The following LMNB1 variants were observed in gnomAD, a reference collection of about 807,000 sequenced individuals.
The protein encoded by LMNB1 is lamin B1, also known as lamin-B1.
A neutral mutation model predicts 67.1 loss-of-function variants in LMNB1; 23 were observed. That is an observed-to-expected ratio of 0.34 (90% CI 0.25 to 0.49). The LOEUF is 0.49. Ranked by LOEUF, LMNB1 falls within the 20% of genes least tolerant of loss-of-function variation. The pLI is 0.99. For missense variants in LMNB1, 634 were observed against 746.5 expected, an observed-to-expected ratio of 0.85 and a Z score of 1.76; for synonymous variants, 281 against 282.9, an observed-to-expected ratio of 0.99 and a Z score of 0.07.
Position 126,811,917 on chromosome 5 carries a change from G to A in LMNB1, c.939+19G>A. The A allele has an allele frequency of 6.2e-7, 1 of 1,601,116 alleles. No homozygotes were observed. The highest frequency in any genetic ancestry group is 1.7e-5 in the Admixed American group (1 of 59,768). On this transcript the variant is annotated intron_variant, in intron 5 of 10. Coordinates refer to ENST00000261366, the MANE Select transcript of LMNB1 (RefSeq NM_005573.4). ...GAAAGAGGTAAATAATCATCTTTCT[G>A]TAAGAAGTTAGACTTGAAGGCTACC...
chr5:126,804,720 A>G (rs2126710037), intron 1 of LMNB1, 56 bp from the exon 2 acceptor site: 2 of 1,497,284 alleles, frequency 1.3e-6, no homozygotes, highest in Non-Finnish European at 1.8e-6. Flanking sequence ...AGAGAGGGAG[A>G]AGACCTCAAG....
Position 126,821,127 on chromosome 5 carries a change from T to C in LMNB1, c.1378T>C (p.Ser460Pro), listed in dbSNP as rs758997994. The C allele has an allele frequency of 6.2e-7, 1 of 1,607,808 alleles. No individual in the cohort carries two copies. The highest frequency in any genetic ancestry group is 1.3e-5 in the African/African-American group (1 of 74,900). Residue 460 changes from serine (S) to proline (P), a missense_variant, in exon 7 of 11, where the codon TCT (serine) becomes CCT (proline). Transcript: ENST00000261366. ...GAAATTTATCCGCTTGAAGAACACT[T>C]CTGAACAGGTAATAAAATAGACCCT... ...DGKFIRLKNT[S>P]EQDQPMGGWE...
chr5:126,807,068 T>C (rs576443195), intron 3 of LMNB1, among the ~76,000 whole-genome samples: 10 of 152,316 alleles, frequency 6.6e-5, no homozygotes, highest in South Asian at 2.1e-4. Context: ...TGAGCCACCG[T>C]GCCCGGCTCA....
At position 126,777,698 on chromosome 5, in the gene LMNB1, G is replaced by A. The variant is rs562221299; in HGVS notation, c.190G>A (p.Val64Met). 4 of 1,545,740 alleles carry A rather than the reference G, an allele frequency of 2.6e-6. No homozygotes were observed. The highest frequency in any genetic ancestry group is 2.5e-5 in the East Asian group (1 of 40,368). Residue 64 changes from valine to methionine, a missense_variant, in exon 1 of 11, where the codon GTG (valine) becomes ATG (methionine). Val to Met is a conservative substitution (Grantham distance 21). Coordinates refer to ENST00000261366, the MANE Select transcript of LMNB1 (RefSeq NM_005573.4). ...ETENSALQLQ[V>M]TEREEVRGRE... ...GGAGAACAGCGCGCTGCAGCTGCAG[G>A]TGACGGAGCGCGAGGAGGTGCGCGG...
At chr5:126,814,403 G>C (rs991242407) in intron 5 of LMNB1, among the ~76,000 whole-genome samples, 30 of 152,122 alleles carry the variant, frequency 2.0e-4, no homozygotes, top group African/African-American at 6.8e-4. Context: ...CTTCTCTTGA[G>C]GTTGATCTTC....
intron 1 of LMNB1, among the ~76,000 whole-genome samples, chr5:126,798,762 AGTGTGTGT>A (rs71665643): frequency 1.7e-4 from 25 of 149,072 alleles, no homozygotes; most frequent in Non-Finnish European, 2.5e-4. Context: ...AAAAAAGAGA[AGTGTGTGT>A]GTGTGTGTGT....
rs376096412 is a variant in LMNB1 at position 126,812,735 on chromosome 5, T to G, written c.939+837T>G. 2.5e-3 allele frequency among the ~76,000 whole-genome samples: 242 copies of G among 97,538 alleles called. 2 individuals carry two copies. Among genetic ancestry groups the G allele is most frequent in the African/African-American group, 8.7e-3 (226 of 26,056 alleles). 64.0% of individuals were successfully genotyped at this position (97,538 alleles called of 152,430 possible). A position where few individuals can be genotyped will look rare whatever the true frequency, so the allele number is the denominator to read the frequency against. On this transcript the variant is annotated intron_variant, in intron 5 of 10. Transcript: ENST00000261366. ...TTATTTTACTTTTTTTTTTTTTTTT[T>G]TTTTTTTCTTTTTGAGATGGAGTCT...
Position 126,811,670 on chromosome 5 carries a change from A to G in LMNB1, c.814-103A>G, listed in dbSNP as rs116180542. The stretch of plus-strand genomic sequence containing the variant: ...ATGCTTTTCCTGTGTTTCATCTACC[A>G]GTTACCAGCAGGACTTAGGTTTGAA... On this transcript the variant is annotated intron_variant, in intron 4 of 10. Coordinates refer to ENST00000261366, the MANE Select transcript of LMNB1 (RefSeq NM_005573.4). The G allele has an allele frequency of 5.2e-3, 5,274 of 1,015,766 alleles. 32 individuals are homozygous for G. Among genetic ancestry groups the G allele is most frequent in the Non-Finnish European group, 6.6e-3 (4,597 of 693,388 alleles). 62.9% of individuals were successfully genotyped at this position (1,015,766 alleles called of 1,614,324 possible). A position where few individuals can be genotyped will look rare whatever the true frequency, so the allele number is the denominator to read the frequency against.
rs1751797602 is a variant in LMNB1 at position 126,819,060 on chromosome 5, T to A, written c.1078T>A (p.Tyr360Asn). The A allele has an allele frequency of 2.5e-6, 4 of 1,614,188 alleles. No individual in the cohort carries two copies. The East Asian group carries it at 8.9e-5, about 36-fold the overall frequency. Residue 360 changes from tyrosine (Y) to asparagine (N), a missense_variant, in exon 6 of 11, where the codon TAT becomes AAT. Tyr to Asn is a moderately radical substitution (Grantham distance 143). Transcript: ENST00000261366. ...RDQMQQQLND[Y>N]EQLLDVKLAL... is the part of the protein sequence containing the mutation. ...TCAAATGCAGCAACAGCTGAATGACTATGAACAGCTTCTTGATGTAAAGTT... is the reference window on the plus strand; with the variant it reads ...TCAAATGCAGCAACAGCTGAATGACAATGAACAGCTTCTTGATGTAAAGTT...
rs536759900 is a variant in LMNB1, at chr5:126,833,289, A to G, written c.1719+488A>G. ...TTTGGCTGATGGTTGGGCTTTTGAGAGCCCTTGAAATAAAGAAACTCCAAA... is the reference window on the plus strand; with the variant it reads ...TTTGGCTGATGGTTGGGCTTTTGAGGGCCCTTGAAATAAAGAAACTCCAAA... On this transcript the variant is annotated intron_variant, in intron 10 of 10. Coordinates refer to ENST00000261366, the MANE Select transcript of LMNB1 (RefSeq NM_005573.4). Among the ~76,000 whole-genome samples, 44 of 152,312 alleles carry G rather than the reference A, an allele frequency of 2.9e-4. 1 individual carries two copies. Among genetic ancestry groups the G allele is most frequent in the Admixed American group, 1.2e-3 (18 of 15,298 alleles).
At chr5:126,789,000 A>G (rs143165457) in intron 1 of LMNB1, among the ~76,000 whole-genome samples, 256 of 151,142 alleles carry the variant, frequency 1.7e-3, no homozygotes, top group African/African-American at 6.0e-3. Context: ...GGCTCAAGTG[A>G]TCCTCCCACC....
At chr5:126,783,628 T>A (rs1750688470) in intron 1 of LMNB1, among the ~76,000 whole-genome samples, 1 of 152,172 alleles carries the variant, frequency 6.6e-6, no homozygotes, top group African/African-American at 2.4e-5. Context: ...TTATTTAACT[T>A]AGGGGATGAG....
At chr5:126,828,044 TA>T (rs1200974908) in intron 9 of LMNB1, among the ~76,000 whole-genome samples, 2 of 151,550 alleles carry the variant, frequency 1.3e-5, no homozygotes, top group South Asian at 2.1e-4. Flanking sequence ...ATGCATTTTT[TA>T]AAAAAAAATC....
intron 5 of LMNB1, among the ~76,000 whole-genome samples, chr5:126,818,517 C>T (rs1005694435): frequency 6.6e-6 from 1 of 152,210 alleles, no homozygotes; most frequent in Non-Finnish European, 1.5e-5. Context: ...GTTGGGATTA[C>T]AGGCGTAAGC....
At chr5:126,798,189 G>A (rs1186005708) in intron 1 of LMNB1, among the ~76,000 whole-genome samples, 3 of 150,886 alleles carry the variant, frequency 2.0e-5, no homozygotes, top group Admixed American at 1.3e-4. Context: ...GTGGCTCACC[G>A]AGCCTGTAAT....
chr5:126,836,904 G>A lies in LMNB1; in HGVS notation c.*640G>A, dbSNP rs1294635743. 1.5e-5 allele frequency: 6 copies of A among 389,194 alleles called. No homozygotes were observed. The highest frequency in any genetic ancestry group is 2.7e-5 in the Non-Finnish European group (6 of 222,518). The allele number at this position is 389,194 out of a possible 1,614,324, so 24.1% of individuals were successfully genotyped here. Reference sequence around the variant, plus strand: ...TTCATGAGGAGGGTGGGGGAGGGAGGTGGAGGGAGGGAAGGGTTTCTCTAT... The same window carrying A: ...TTCATGAGGAGGGTGGGGGAGGGAGATGGAGGGAGGGAAGGGTTTCTCTAT... On this transcript the variant is annotated 3_prime_UTR_variant, in exon 11 of 11. Transcript: ENST00000261366.
chr5:126,813,907 T>C (rs1402912403), intron 5 of LMNB1, among the ~76,000 whole-genome samples: 3 of 152,222 alleles, frequency 2.0e-5, no homozygotes, highest in Non-Finnish European at 4.4e-5. Context: ...TGTTTTTTTT[T>C]CTTCTGAGAC....
rs183599089 is a variant in LMNB1 at position 126,810,114 on chromosome 5, A to G, written c.643-66A>G. On this transcript the variant is annotated intron_variant, in intron 3 of 10. Coordinates refer to ENST00000261366, the MANE Select transcript of LMNB1 (RefSeq NM_005573.4). ...TAAAACTTCAGATGGCTGTGATGTC[A>G]CTCAGATGTGTACCAATGCAGCCAT... 1.9e-5 allele frequency: 27 copies of G among 1,446,778 alleles called. No homozygotes were observed. The African/African-American group carries it at 3.3e-4, about 18-fold the overall frequency. 89.6% of individuals were successfully genotyped at this position (1,446,778 alleles called of 1,614,324 possible). A position where few individuals can be genotyped will look rare whatever the true frequency, so the allele number is the denominator to read the frequency against.
intron 10 of LMNB1, 55 bp from the exon 11 acceptor site, chr5:126,836,168 G>A: frequency 1.5e-6 from 2 of 1,364,390 alleles, no homozygotes; most frequent in Non-Finnish European, 2.1e-6. Context: ...TCTTATTTTA[G>A]AATACTGTGA....
Sources: gnomAD v4.1 joint callset for allele counts (sites outside exome capture counted in the v4.1 genomes callset) on GRCh38, gnomAD v4.1.1 for gene constraint, MANE v1.5 for transcripts, NCBI Gene and HGNC (gene_info 2026-07-23, HGNC 2026-07-21) for gene names.